Variants in GSN observed in about 807,000 individuals in gnomAD.
The protein encoded by GSN is gelsolin.
A neutral mutation model predicts 85.7 loss-of-function variants in GSN; 56 were observed. The observed-to-expected ratio is 0.65, with a 90% CI of 0.53 to 0.82. The LOEUF is 0.82. GSN is among the 40% of genes least tolerant of loss of function. The probability of loss-of-function intolerance (pLI) is 0.00; values close to 1 mark genes in which losing one functional copy is unlikely to be tolerated. For synonymous variants in GSN, 373 were observed against 399.1 expected (o/e 0.93, Z 0.78); for missense variants, 857 against 979.8 (o/e 0.87, Z 1.67).
rs751845382 is a variant in GSN at position 121,301,949 on chromosome 9, C to G, written c.-9-14C>G. On this transcript the variant is annotated splice_polypyrimidine_tract_variant and intron_variant, in intron 2 of 17. Transcript: ENST00000432226. ...GACCCTGCCCCGCTTAGGCTCTGCC[C>G]TGTCTCATCCCAGCCCAACAGCATG... 5.6e-6 allele frequency: 9 copies of G among 1,614,110 alleles called. No homozygotes were observed. The highest frequency in any genetic ancestry group is 3.3e-5 in the South Asian group (3 of 91,090).
chr9:121,311,007 A>C, intron 5 of GSN, 162 bp downstream of exon 5: 2 of 680,766 alleles, frequency 2.9e-6, no homozygotes. Context: ...GACTCCCACA[A>C]ATGTAGACTC....
chr9:121,218,225 G>T (rs1476942179), intron 4 of GSN, among the ~76,000 whole-genome samples: 1 of 152,216 alleles, frequency 6.6e-6, no homozygotes, highest in Non-Finnish European at 1.5e-5. Context: ...AGAGAGACCA[G>T]TTCTCCAAAA....
chr9:121,242,431 G>C (rs2054622027), intron 5 of GSN, among the ~76,000 whole-genome samples: 1 of 152,126 alleles, frequency 6.6e-6, no homozygotes, highest in Non-Finnish European at 1.5e-5. Context: ...ACAGAGTTCG[G>C]CTGGGCCTGC....
intron 10 of GSN, 123 bp downstream of exon 10, chr9:121,319,003 T>G: frequency 3.7e-6 from 3 of 803,614 alleles, no homozygotes; most frequent in Non-Finnish European, 2.1e-6. Flanking sequence ...CTGAGATTCT[T>G]TGGTGTTACT....
At chr9:121,262,802 A>C (rs952831656) in intron 6 of GSN, among the ~76,000 whole-genome samples, 1 of 152,244 alleles carries the variant, frequency 6.6e-6, no homozygotes, top group Admixed American at 6.5e-5. Context: ...CATTCAGAAC[A>C]TGTCTAGAAT....
intron 7 of GSN, among the ~76,000 whole-genome samples, chr9:121,316,754 C>T (rs982523620): frequency 1.3e-5 from 2 of 152,162 alleles, no homozygotes; most frequent in Non-Finnish European, 2.9e-5. Context: ...TAAAGGTGTG[C>T]GACACTGTAA....
chr9:121,216,029 C>T (rs2054057819), intron 4 of GSN, among the ~76,000 whole-genome samples: 1 of 152,136 alleles, frequency 6.6e-6, no homozygotes, highest in African/African-American at 2.4e-5. Flanking sequence ...TTTTTTTCAG[C>T]TCACTGTAGC....
chr9:121,256,844 G>A (rs533058910), intron 6 of GSN, among the ~76,000 whole-genome samples: 3 of 152,208 alleles, frequency 2.0e-5, no homozygotes, highest in East Asian at 1.9e-4. Flanking sequence ...AGCCAAGATC[G>A]TGCCACTGCA....
chr9:121,278,869 A>T (rs1353770370), intron 1 of GSN, among the ~76,000 whole-genome samples: 8 of 152,226 alleles, frequency 5.3e-5, no homozygotes, highest in African/African-American at 1.9e-4. Context: ...TCTGAATCTC[A>T]GGGAGAGTGT....
chr9:121,278,953 C>T (rs1450896027), intron 1 of GSN, among the ~76,000 whole-genome samples: 1 of 152,224 alleles, frequency 6.6e-6, no homozygotes, highest in African/African-American at 2.4e-5. Context: ...TGCACGTGCA[C>T]GTATGTGTTA....
At chr9:121,213,661 C>A (rs1004775773) in intron 4 of GSN, among the ~76,000 whole-genome samples, 1 of 152,160 alleles carries the variant, frequency 6.6e-6, no homozygotes, top group Non-Finnish European at 1.5e-5. Flanking sequence ...TTGGTGACTT[C>A]TTCCCAAGGC....
chr9:121,247,382 T>C (rs1375268331), intron 5 of GSN, among the ~76,000 whole-genome samples: 1 of 152,222 alleles, frequency 6.6e-6, no homozygotes, highest in East Asian at 1.9e-4. Flanking sequence ...ACCATCAGGC[T>C]TAAAAATACA....
At position 121,313,988 on chromosome 9, in the gene GSN, G is replaced by T. The variant is rs768703573; in HGVS notation, c.718G>T (p.Asp240Tyr). The T allele has an allele frequency of 6.2e-7, 1 of 1,614,184 alleles. No homozygotes were observed. Among genetic ancestry groups the T allele is most frequent in the South Asian group, 1.1e-5 (1 of 91,084 alleles). ...AGGTACCGAGGACACCGCCAAGGAG[G>T]ATGCGGCCAACCGCAAGCTGGCCAA... ...PAGTEDTAKE[D>Y]AANRKLAKLY... The change falls in exon 7 of 18, where the codon GAT (aspartate) becomes TAT (tyrosine). Residue 240 changes from aspartate to tyrosine, a missense_variant. Asp to Tyr is a radical substitution (Grantham distance 160). Coordinates refer to ENST00000432226, the MANE Select transcript of GSN (RefSeq NM_198252.3).
intron 11 of GSN, among the ~76,000 whole-genome samples, chr9:121,323,578 C>T (rs1219867232): frequency 6.6e-6 from 1 of 151,970 alleles, no homozygotes; most frequent in African/African-American, 2.4e-5. Context: ...CCATGTTGGG[C>T]AGGCTGGTTT....
intron 4 of GSN, among the ~76,000 whole-genome samples, chr9:121,223,803 G>A (rs2054218020): frequency 6.6e-6 from 1 of 151,950 alleles, no homozygotes; most frequent in African/African-American, 2.4e-5. Context: ...GGGATTACAG[G>A]CGTGTGCCAC....
intron 8 of GSN, 200 bp downstream of exon 8, chr9:121,317,418 G>T (rs2061849191): frequency 3.3e-6 from 2 of 612,380 alleles, no homozygotes; most frequent in Non-Finnish European, 2.9e-6. Flanking sequence ...CTGGGCCTCA[G>T]ATTCCTGATC....
chr9:121,205,102 A>G (rs561713930), upstream of GSN, among the ~76,000 whole-genome samples: 1 of 149,888 alleles, frequency 6.7e-6, no homozygotes, highest in Admixed American at 6.7e-5. Context: ...CTAGCAGGGA[A>G]TTTGAAGAGC....
intron 7 of GSN, among the ~76,000 whole-genome samples, chr9:121,314,996 G>A (rs1353079697): frequency 6.6e-6 from 1 of 152,178 alleles, no homozygotes; most frequent in Non-Finnish European, 1.5e-5. Flanking sequence ...AAGTGGCTGG[G>A]ACTACAGATG....
chr9:121,257,973 T>C (rs1413548590), intron 6 of GSN, among the ~76,000 whole-genome samples: 1 of 152,070 alleles, frequency 6.6e-6, no homozygotes, highest in Admixed American at 6.5e-5. Flanking sequence ...CATGGAAAAA[T>C]GTTTGCTTAA....
Sources: gnomAD v4.1 joint callset for allele counts (sites outside exome capture counted in the v4.1 genomes callset) on GRCh38, gnomAD v4.1.1 for gene constraint, MANE v1.5 for transcripts, NCBI Gene and HGNC (gene_info 2026-07-23, HGNC 2026-07-21) for gene names.